Variants in PRKCA observed in about 807,000 individuals in gnomAD.
PRKCA encodes protein kinase C alpha type.
PRKCA carries 27 observed loss-of-function variants against 87.0 expected under a neutral mutation model. That is an observed-to-expected ratio of 0.31 (90% confidence interval 0.23 to 0.43). PRKCA has a LOEUF of 0.43. Among genes scored for constraint, PRKCA ranks in the 20% least tolerant of loss-of-function variants. The pLI is 1.00. For synonymous variants in PRKCA, 329 were observed against 311.1 expected (o/e 1.06, Z -0.61); for missense variants, 518 against 852.3 (o/e 0.61, Z 4.88).
chr17:66,303,027 A>G lies in PRKCA; in HGVS notation c.173+3A>G, dbSNP rs1904595671. On this transcript the variant is annotated splice_donor_region_variant and intron_variant, in intron 1 of 16. Transcript: ENST00000413366. ...AGCCACTGCACCGACTTCATCTGGT[A>G]GGTGCCGGGCCGGGCACTCCTGCCC... 1 of 1,608,198 alleles carries G rather than the reference A, an allele frequency of 6.2e-7. No homozygotes were observed. Among genetic ancestry groups the G allele is most frequent in the Non-Finnish European group, 8.5e-7 (1 of 1,177,312 alleles).
At chr17:66,491,433 C>A (rs1200945971) in intron 2 of PRKCA, among the ~76,000 whole-genome samples, 1 of 152,226 alleles carries the variant, frequency 6.6e-6, no homozygotes, top group African/African-American at 2.4e-5. Flanking sequence ...TGGAATCTTC[C>A]ATGACACGTC....
chr17:66,314,997 G>A (rs1369574155), intron 2 of PRKCA, among the ~76,000 whole-genome samples: 3 of 151,708 alleles, frequency 2.0e-5, no homozygotes, highest in Non-Finnish European at 4.4e-5. Flanking sequence ...GTATATATAT[G>A]TGTATATATG....
intron 3 of PRKCA, among the ~76,000 whole-genome samples, chr17:66,563,995 C>T (rs1403480653): frequency 1.9e-5 from 2 of 107,624 alleles, no homozygotes; most frequent in African/African-American, 3.8e-5. Context: ...TCCTTCCTTC[C>T]TTCCTTCCTC....
chr17:66,619,879 C>G lies in PRKCA; in HGVS notation c.289-21476C>G, dbSNP rs572018543. Among the ~76,000 whole-genome samples the G allele has an allele frequency of 6.8e-5, 10 of 146,082 alleles. No individual in the cohort carries two copies. The East Asian group carries it at 1.8e-3, about 26-fold the overall frequency. ...AGTCTTTTTTACCTTTCTTTGCTTT[C>G]TTAATCACCTCGTTGAGGTTATAAA... On this transcript the variant is annotated intron_variant, in intron 3 of 16. Coordinates refer to ENST00000413366, the MANE Select transcript of PRKCA (RefSeq NM_002737.3).
intron 2 of PRKCA, among the ~76,000 whole-genome samples, chr17:66,438,850 G>A (rs1913556432): frequency 6.6e-6 from 1 of 152,100 alleles, no homozygotes; most frequent in South Asian, 2.1e-4. Context: ...CAGGATGGGG[G>A]ATACTGCCCC....
At chr17:66,369,772 G>A (rs1422257909) in intron 2 of PRKCA, among the ~76,000 whole-genome samples, 3 of 152,142 alleles carry the variant, frequency 2.0e-5, no homozygotes, top group Non-Finnish European at 2.9e-5. Flanking sequence ...ATCTGAGTTG[G>A]CTGCATTCCT....
At chr17:66,548,833 T>G (rs528135382) in intron 3 of PRKCA, among the ~76,000 whole-genome samples, 9 of 151,676 alleles carry the variant, frequency 5.9e-5, no homozygotes, top group African/African-American at 1.9e-4. Flanking sequence ...AAGCAGGCTC[T>G]CTCTCTGTTG....
chr17:66,752,411 A>G (rs563119490), intron 13 of PRKCA, among the ~76,000 whole-genome samples: 284 of 152,286 alleles, frequency 1.9e-3, no homozygotes, highest in South Asian at 5.8e-3. Flanking sequence ...CCTGGCCAAC[A>G]TGGTGAAACC....
chr17:66,418,748 T>G (rs1213308598), intron 2 of PRKCA, among the ~76,000 whole-genome samples: 1 of 150,586 alleles, frequency 6.6e-6, no homozygotes, highest in Non-Finnish European at 1.5e-5. Context: ...TTTCAGCGTT[T>G]TTCTTTGTTT....
At chr17:66,474,689 A>G (rs1915466727) in intron 2 of PRKCA, among the ~76,000 whole-genome samples, 2 of 152,232 alleles carry the variant, frequency 1.3e-5, no homozygotes, top group Non-Finnish European at 2.9e-5. Flanking sequence ...GTTTTATTAT[A>G]CCGGAAGCCC....
chr17:66,427,520 G>C (rs1358690334), intron 2 of PRKCA, among the ~76,000 whole-genome samples: 2 of 152,192 alleles, frequency 1.3e-5, no homozygotes, highest in Non-Finnish European at 2.9e-5. Flanking sequence ...AAGCCATTTT[G>C]AGTTAGGTTT....
chr17:66,511,455 G>A (rs1195819405), intron 3 of PRKCA, among the ~76,000 whole-genome samples: 1 of 152,174 alleles, frequency 6.6e-6, no homozygotes, highest in Non-Finnish European at 1.5e-5. Context: ...TTTGAATGAT[G>A]CACCAGGATT....
rs138413583 is a variant in PRKCA at position 66,481,196 on chromosome 17, T to C, written c.206-15005T>C. Among the ~76,000 whole-genome samples, 847 of 152,284 alleles carry C rather than the reference T, an allele frequency of 5.6e-3. 6 individuals carry two copies. The highest frequency in any genetic ancestry group is 0.019 in the African/African-American group (797 of 41,556). On this transcript the variant is annotated intron_variant, in intron 2 of 16. Transcript: ENST00000413366. The stretch of plus-strand genomic sequence containing the variant: ...AGACCTTCCTCCACTTGTATGATCC[T>C]GAAATGTTCTCTTAGTGACTCTTTT...
intron 2 of PRKCA, among the ~76,000 whole-genome samples, chr17:66,396,660 G>A (rs1482069883): frequency 2.4e-5 from 3 of 123,012 alleles, no homozygotes; most frequent in South Asian, 5.1e-4. Flanking sequence ...ACAGAGTCTC[G>A]CTCTGTTGCC....
intron 8 of PRKCA, among the ~76,000 whole-genome samples, chr17:66,730,467 G>A (rs952635135): frequency 1.1e-4 from 17 of 152,230 alleles, no homozygotes; most frequent in African/African-American, 3.4e-4. Flanking sequence ...AATGCTAAAC[G>A]AGGGGTGGAT....
chr17:66,506,639 G>C (rs1232531562), intron 3 of PRKCA, among the ~76,000 whole-genome samples: 2 of 152,152 alleles, frequency 1.3e-5, no homozygotes, highest in Non-Finnish European at 2.9e-5. Flanking sequence ...AAGAGTAGCC[G>C]TCTCATCAGC....
intron 2 of PRKCA, among the ~76,000 whole-genome samples, chr17:66,478,332 G>T (rs889105972): frequency 3.3e-5 from 5 of 152,058 alleles, no homozygotes; most frequent in African/African-American, 1.2e-4. Flanking sequence ...GCAGCTCACC[G>T]CAATCTCCGC....
intron 2 of PRKCA, among the ~76,000 whole-genome samples, chr17:66,412,998 C>A (rs549175823): frequency 5.9e-5 from 9 of 152,242 alleles, no homozygotes; most frequent in South Asian, 2.1e-4. Context: ...ACACACACAC[C>A]AAGCAATTCT....
chr17:66,756,279 C>T (rs1244992147), intron 13 of PRKCA, among the ~76,000 whole-genome samples: 1 of 152,038 alleles, frequency 6.6e-6, no homozygotes, highest in Admixed American at 6.6e-5. Flanking sequence ...TTTATCAGAC[C>T]CTAACCTACC....
Sources: allele counts gnomAD v4.1 joint callset (sites outside exome capture counted in the v4.1 genomes callset), GRCh38; gene constraint gnomAD v4.1.1; transcripts MANE v1.5; gene names NCBI Gene and HGNC (gene_info 2026-07-23, HGNC 2026-07-21).